ACADL: variants seen among roughly 807,000 people sequenced by gnomAD.
The protein encoded by ACADL is acyl-CoA dehydrogenase long chain.
A neutral mutation model predicts 56.9 loss-of-function variants in ACADL; 60 were observed. The observed-to-expected ratio is 1.05, with a 90% CI of 0.86 to 1.31. The LOEUF is 1.31. Among genes scored for constraint, ACADL ranks in the 50% most tolerant of loss-of-function variants. The pLI is 0.00. For synonymous variants in ACADL, 158 were observed against 179.7 expected (o/e 0.88, Z 0.97); for missense variants, 484 against 525.5 (o/e 0.92, Z 0.77).
At chr2:210,204,247 A>G (rs1688847922) in intron 7 of ACADL, among the ~76,000 whole-genome samples, 1 of 152,198 alleles carries the variant, frequency 6.6e-6, no homozygotes, top group Non-Finnish European at 1.5e-5. Flanking sequence ...CAAACTATCA[A>G]ATGTTTTGCA....
intron 4 of ACADL, among the ~76,000 whole-genome samples, chr2:210,215,232 C>G (rs1203503374): frequency 6.6e-6 from 1 of 152,154 alleles, no homozygotes; most frequent in Non-Finnish European, 1.5e-5. Flanking sequence ...CCACTCAGCT[C>G]TGAGAAAGAT....
At chr2:210,202,795 C>G (rs1374149643) in intron 8 of ACADL, among the ~76,000 whole-genome samples, 1 of 152,182 alleles carries the variant, frequency 6.6e-6, no homozygotes, top group Non-Finnish European at 1.5e-5. Flanking sequence ...CTACCATTCA[C>G]AGCCAAACTC....
At chr2:210,218,336 A>G (rs1464420940) in intron 2 of ACADL, 4 of 435,760 alleles carry the variant, frequency 9.2e-6, no homozygotes, top group Non-Finnish European at 1.2e-5. Context: ...GCTGGTGTGC[A>G]GTGGCACAAT....
rs1688694521 is a variant in ACADL at position 210,195,447 on chromosome 2, AAGTG to A, written c.985-113_985-110del. 2.8e-5 allele frequency: 34 copies of A among 1,217,888 alleles called. No individual in the cohort carries two copies. In the South Asian group the frequency reaches 4.4e-4, roughly 16 times the overall value. 75.4% of individuals were successfully genotyped at this position (1,217,888 alleles called of 1,614,324 possible). On this transcript the variant is annotated intron_variant, in intron 8 of 10. Coordinates refer to ENST00000233710, the MANE Select transcript of ACADL (RefSeq NM_001608.4). ...AATAAAAGATCTTTAGGGCAAACAA[AAGTG>A]GAATTGTTGGTTTTTTCCTCCATAA...
intron 3 of ACADL, among the ~76,000 whole-genome samples, chr2:210,216,936 C>T (rs1689097561): frequency 6.7e-6 from 1 of 149,814 alleles, no homozygotes; most frequent in African/African-American, 2.5e-5. Flanking sequence ...AAAAAAGGAC[C>T]AAAAAACAAA....
chr2:210,189,103 G>A (rs1403715452), intron 10 of ACADL, 49 bp from the exon 11 acceptor site: 4 of 1,376,094 alleles, frequency 2.9e-6, no homozygotes, highest in South Asian at 1.2e-5. Context: ...ATTAGAAACT[G>A]TAAATTTTGT....
chr2:210,198,154 A>T (rs977332602), intron 8 of ACADL, among the ~76,000 whole-genome samples: 1 of 152,188 alleles, frequency 6.6e-6, no homozygotes, highest in Non-Finnish European at 1.5e-5. Context: ...TAGCATTAAA[A>T]ATTATTCTGA....
chr2:210,224,654 C>T (rs1425479433), intron 1 of ACADL: 1 of 985,724 alleles, frequency 1.0e-6, no homozygotes, highest in Non-Finnish European at 1.2e-6. Context: ...CTCGCCAGGT[C>T]ATTTCTAGCC....
At chr2:210,209,621 G>A (rs1688946510) in intron 5 of ACADL, 1 of 151,842 alleles carries the variant, frequency 6.6e-6, no homozygotes, top group African/African-American at 2.4e-5. Context: ...AGCCTCCTGA[G>A]TGAGTAGCTG....
chr2:210,211,508 G>A (rs939135089), intron 4 of ACADL, among the ~76,000 whole-genome samples: 2 of 152,120 alleles, frequency 1.3e-5, no homozygotes, highest in Non-Finnish European at 2.9e-5. Context: ...TGGATCATGG[G>A]GAAGGACTTT....
intron 5 of ACADL, 100 bp from the exon 6 acceptor site, chr2:210,205,896 A>T: frequency 7.2e-7 from 1 of 1,391,314 alleles, no homozygotes; most frequent in East Asian, 2.3e-5. Flanking sequence ...TAAAACAGAC[A>T]AGACATGCTT....
rs1689160771 is a variant in ACADL, at chr2:210,220,687, T to A, written c.193A>T (p.Arg65Trp). 6.2e-7 allele frequency: 1 copy of A among 1,613,572 alleles called. No homozygotes were observed. Among genetic ancestry groups the A allele is most frequent in the Non-Finnish European group, 8.5e-7 (1 of 1,179,772 alleles). The change falls in exon 2 of 11, where the codon AGG becomes TGG. Residue 65 changes from arginine to tryptophan, a missense_variant. Transcript: ENST00000233710. ...PEHDIFRKSV[R>W]KFFQEEVIPH... ...ATCACTTCTTCTTGGAAAAACTTCC[T>A]TACACTTTTCCGGAAAATGTCATGC...
rs1190814911 is a variant in ACADL at position 210,225,336 on chromosome 2, G to A, written c.-73C>T. 2 of 1,478,790 alleles carry A rather than the reference G, an allele frequency of 1.4e-6. No homozygotes were observed. The highest frequency in any genetic ancestry group is 1.8e-6 in the Non-Finnish European group (2 of 1,099,972). 91.6% of individuals were successfully genotyped at this position (1,478,790 alleles called of 1,614,324 possible). On this transcript the variant is annotated 5_prime_UTR_variant, in exon 1 of 11. Transcript: ENST00000233710. ...CTCGGCGACTCGGGGCAGGGTCCCC[G>A]GGAGGGAGGACGATCAGCTGAGGCG...
At chr2:210,204,366 A>G (rs1219782554) in intron 7 of ACADL, among the ~76,000 whole-genome samples, 1 of 152,214 alleles carries the variant, frequency 6.6e-6, no homozygotes, top group Non-Finnish European at 1.5e-5. Context: ...TACTTACTTT[A>G]TAAGCTTTGA....
rs369881387 is a variant in ACADL at position 210,216,296 on chromosome 2, A to G, written c.536+51T>C. On this transcript the variant is annotated intron_variant, in intron 4 of 10. Coordinates refer to ENST00000233710, the MANE Select transcript of ACADL (RefSeq NM_001608.4). ...TATGTATTAACCAAGTACTAAGAAAATGTTAAGGCACTGCTTCCAAGAATC... is the reference window on the plus strand; with the variant it reads ...TATGTATTAACCAAGTACTAAGAAAGTGTTAAGGCACTGCTTCCAAGAATC... The G allele has an allele frequency of 6.9e-6, 11 of 1,600,154 alleles. No individual in the cohort carries two copies. The African/African-American group carries it at 1.2e-4, about 18-fold the overall frequency.
chr2:210,192,208 C>A (rs1484598350), intron 10 of ACADL, among the ~76,000 whole-genome samples: 1 of 150,558 alleles, frequency 6.6e-6, no homozygotes. Flanking sequence ...AGTATTTGGC[C>A]GGATGCAGTG....
chr2:210,211,830 ATTTTT>A (rs34754770), intron 4 of ACADL, among the ~76,000 whole-genome samples: 1 of 130,832 alleles, frequency 7.6e-6, no homozygotes, highest in Non-Finnish European at 1.7e-5. Flanking sequence ...GCCCCTCAGC[ATTTTT>A]TTTTTTTTTT....
At chr2:210,215,566 A>AT (rs759471732) in intron 4 of ACADL, among the ~76,000 whole-genome samples, 16 of 151,730 alleles carry the variant, frequency 1.1e-4, no homozygotes, top group Admixed American at 3.9e-4. Flanking sequence ...TTTGTGTTTC[A>AT]TTTTTCCTCT....
At chr2:210,199,450 T>C (rs1350427117) in intron 8 of ACADL, among the ~76,000 whole-genome samples, 1 of 152,132 alleles carries the variant, frequency 6.6e-6, no homozygotes, top group Non-Finnish European at 1.5e-5. Context: ...ATTAAAGTTA[T>C]TTATTTTTTG....
Sources: allele counts gnomAD v4.1 joint callset (sites outside exome capture counted in the v4.1 genomes callset), GRCh38; gene constraint gnomAD v4.1.1; transcripts MANE v1.5; gene names NCBI Gene and HGNC (gene_info 2026-07-23, HGNC 2026-07-21).